The following GPN1 variants were observed in gnomAD, a reference collection of about 807,000 sequenced individuals.
GPN1 encodes the protein ATP(GTP)-binding protein.
In GPN1, 44 loss-of-function variants were observed where a neutral mutation model predicts 55.9. The observed-to-expected ratio is 0.79, with a 90% CI of 0.62 to 1.01. The LOEUF is 1.01. GPN1 is among the 50% of genes least tolerant of loss of function. GPN1 has a pLI of 0.00. For synonymous variants in GPN1, 179 were observed against 162.5 expected, an observed-to-expected ratio of 1.10 and a Z score of -0.77; for missense variants, 466 against 462.8, an observed-to-expected ratio of 1.01 and a Z score of -0.06.
intron 11 of GPN1, 25 bp downstream of exon 11, chr2:27,641,304 T>C (rs751085751): frequency 1.5e-5 from 24 of 1,559,846 alleles, no homozygotes; most frequent in African/African-American, 6.8e-5. Flanking sequence ...TGTTTGTATA[T>C]TTTAAAAGGG....
At chr2:27,629,356 CTCTT>C (rs767846299) in intron 1 of GPN1, 187 bp downstream of exon 1, 94 of 1,545,732 alleles carry the variant, frequency 6.1e-5, no homozygotes, top group Non-Finnish European at 7.9e-5. Context: ...AATTAAGGCT[CTCTT>C]CTGCGCACCT....
rs748581559 is a variant in GPN1, at chr2:27,631,010, C to CT, written c.206-9dup. On this transcript the variant is annotated splice_polypyrimidine_tract_variant and intron_variant, in intron 2 of 13. Coordinates refer to ENST00000610189, the MANE Select transcript of GPN1 (RefSeq NM_007266.4). Reference sequence around the variant, plus strand: ...TGTATGTATTACATTCCAGTTAATTCTTTTTTTTCTCCTCAGATATTCGTG... The same window carrying CT: ...TGTATGTATTACATTCCAGTTAATTCTTTTTTTTTCTCCTCAGATATTCGTG... 1.0e-4 allele frequency: 126 copies of CT among 1,201,378 alleles called. No homozygotes were observed. The highest frequency in any genetic ancestry group is 1.4e-4 in the Non-Finnish European group (115 of 809,256). The allele number at this position is 1,201,378 out of a possible 1,614,324, so 74.4% of individuals were successfully genotyped here.
upstream of GPN1, chr2:27,628,550 G>T (rs752246975): frequency 7.1e-6 from 11 of 1,551,410 alleles, no homozygotes; most frequent in East Asian, 1.2e-4. Context: ...TTCGTTCGGT[G>T]CTCAAAGGGT....
At chr2:27,648,465 G>A (rs1323685329) in intron 13 of GPN1, among the ~76,000 whole-genome samples, 1 of 152,146 alleles carries the variant, frequency 6.6e-6, no homozygotes. Context: ...GCTATTATGA[G>A]CTATGACTGT....
At chr2:27,642,990 C>CAT (rs1223251960) in intron 12 of GPN1, among the ~76,000 whole-genome samples, 2,806 of 150,864 alleles carry the variant, frequency 0.019, 92 homozygotes, top group African/African-American at 0.066. Flanking sequence ...CACACACACA[C>CAT]ACACATACAT....
At chr2:27,630,732 A>G (rs1673513174) in intron 2 of GPN1, among the ~76,000 whole-genome samples, 1 of 152,198 alleles carries the variant, frequency 6.6e-6, no homozygotes, top group Non-Finnish European at 1.5e-5. Context: ...GGCAATTAGT[A>G]AGAAGCATTT....
chr2:27,642,950 T>TACACACACACACAC (rs1375069534), intron 12 of GPN1, among the ~76,000 whole-genome samples: 3 of 37,586 alleles, frequency 8.0e-5, no homozygotes, highest in African/African-American at 1.6e-4. Context: ...GTTTTATATA[T>TACACACACACACAC]ATATATATAC....
Position 27,645,706 on chromosome 2 carries a change from A to ATT in GPN1, c.932-2119_932-2118dup, listed in dbSNP as rs1283973442. Among the ~76,000 whole-genome samples, 4 of 146,278 alleles carry ATT rather than the reference A, an allele frequency of 2.7e-5. No individual in the cohort carries two copies. In the Admixed American group the frequency reaches 2.7e-4, roughly 10 times the overall value. On this transcript the variant is annotated intron_variant, in intron 12 of 13. Coordinates refer to ENST00000610189, the MANE Select transcript of GPN1 (RefSeq NM_007266.4). Reference sequence around the variant, plus strand: ...AAGAGTTTTTGCCTGTTTCTTTTTAATTTTTTTTTTTTAAAACAAATCATC... The same window carrying ATT: ...AAGAGTTTTTGCCTGTTTCTTTTTAATTTTTTTTTTTTTTAAAACAAATCATC...
At chr2:27,629,719 T>C in intron 1 of GPN1, 140 bp from the exon 2 acceptor site, 2 of 643,542 alleles carry the variant, frequency 3.1e-6, no homozygotes, top group Non-Finnish European at 5.6e-6. Flanking sequence ...GAGAGTTGTA[T>C]CTTGGAGGTG....
intron 10 of GPN1, among the ~76,000 whole-genome samples, chr2:27,640,425 C>A (rs1033329480): frequency 6.6e-6 from 1 of 152,142 alleles, no homozygotes; most frequent in East Asian, 1.9e-4. Flanking sequence ...GTCTCTGTTG[C>A]AACTGCTCAC....
In GPN1 at chr2:27,650,329, C is replaced by T. The variant is rs1572969287; in HGVS notation, c.*129C>T. 5 of 544,620 alleles carry T rather than the reference C, an allele frequency of 9.2e-6. No homozygotes were observed. The highest frequency in any genetic ancestry group is 9.1e-5 in the South Asian group (4 of 43,808). The allele number at this position is 544,620 out of a possible 1,614,324, so 33.7% of individuals were successfully genotyped here. A position where few individuals can be genotyped will look rare whatever the true frequency, so the allele number is the denominator to read the frequency against. Reference sequence around the variant, plus strand: ...TTTTCCTCAGAGTAGCAAAGTTTCTCTTATTAGAGAAATCTTGTGACTCAG... The same window carrying T: ...TTTTCCTCAGAGTAGCAAAGTTTCTTTTATTAGAGAAATCTTGTGACTCAG... On this transcript the variant is annotated 3_prime_UTR_variant, in exon 14 of 14. Transcript: ENST00000610189.
In GPN1 at chr2:27,647,898, G is replaced by A; in HGVS notation, c.994G>A (p.Glu332Lys). The A allele has an allele frequency of 6.2e-7, 1 of 1,613,752 alleles. No individual in the cohort carries two copies. Among genetic ancestry groups the A allele is most frequent in the Non-Finnish European group, 8.5e-7 (1 of 1,179,616 alleles). Residue 332 changes from glutamate (E) to lysine (K), a missense_variant, in exon 13 of 14, where the codon GAG (glutamate) becomes AAG (lysine). Coordinates refer to ENST00000610189, the MANE Select transcript of GPN1 (RefSeq NM_007266.4). Reference protein sequence around the residue: ...LILTRGTLDEEDEEADSDTDD... With the variant: ...LILTRGTLDEKDEEADSDTDD... ...CCTGACTCGAGGAACCTTGGATGAAGAGGATGAGGAAGCAGACAGCGATAC... is the reference window on the plus strand; with the variant it reads ...CCTGACTCGAGGAACCTTGGATGAAAAGGATGAGGAAGCAGACAGCGATAC...
upstream of GPN1, chr2:27,628,949 C>T (rs1178600007): frequency 6.4e-7 from 1 of 1,552,600 alleles, no homozygotes; most frequent in African/African-American, 1.4e-5. Context: ...GCGCCCCTCA[C>T]CCGCTCCTTT....
At chr2:27,646,278 G>A (rs999809003) in intron 12 of GPN1, among the ~76,000 whole-genome samples, 2 of 152,178 alleles carry the variant, frequency 1.3e-5, no homozygotes, top group African/African-American at 2.4e-5. Flanking sequence ...CTGACCTCAG[G>A]TGATCTGCCC....
rs1456204239 is a variant in GPN1 at position 27,647,919 on chromosome 2, G to A, written c.1015G>A (p.Asp339Asn). The A allele has an allele frequency of 5.6e-6, 9 of 1,610,310 alleles. No individual in the cohort carries two copies. Among genetic ancestry groups the A allele is most frequent in the South Asian group, 1.1e-5 (1 of 90,984 alleles). Residue 339 changes from aspartate (D) to asparagine (N), a missense_variant, in exon 13 of 14, where the codon GAT becomes AAT. Asp to Asn is a conservative substitution (Grantham distance 23, BLOSUM62 1). Transcript: ENST00000610189. ...LDEEDEEADS[D>N]TDDIDHRVTE... Reference sequence around the variant, plus strand: ...TGAAGAGGATGAGGAAGCAGACAGCGATACTGATGACATTGACCACAGAGG... The same window carrying A: ...TGAAGAGGATGAGGAAGCAGACAGCAATACTGATGACATTGACCACAGAGG...
chr2:27,639,158 T>G, intron 9 of GPN1, 127 bp downstream of exon 9: 1 of 720,356 alleles, frequency 1.4e-6, no homozygotes, highest in Non-Finnish European at 2.3e-6. Flanking sequence ...AAAGCATTGC[T>G]TATTAAAAAT....
At chr2:27,629,049 C>G, upstream of GPN1, 2 of 1,614,102 alleles carry the variant, frequency 1.2e-6, no homozygotes, top group Non-Finnish European at 1.7e-6. Context: ...TGGGTGGGGC[C>G]AGGAGGAAGA....
chr2:27,628,888 A>G (rs1171866597), upstream of GPN1: 2 of 1,469,682 alleles, frequency 1.4e-6, no homozygotes, highest in Non-Finnish European at 1.8e-6. Flanking sequence ...CACTGTCACT[A>G]GTTGACTCAT....
At chr2:27,631,296 A>G (rs1226320528) in intron 3 of GPN1, 2 of 549,468 alleles carry the variant, frequency 3.6e-6, no homozygotes, top group Non-Finnish European at 3.2e-6. Context: ...AGAGAGTATG[A>G]TAGGATAACT....
Sources: allele counts gnomAD v4.1 joint callset (sites outside exome capture counted in the v4.1 genomes callset), GRCh38; gene constraint gnomAD v4.1.1; transcripts MANE v1.5; gene names NCBI Gene and HGNC (gene_info 2026-07-23, HGNC 2026-07-21).